The following SMIM27 variants were observed in gnomAD, a reference collection of about 807,000 sequenced individuals.
SMIM27 encodes the protein transition zone microprotein 1.
A neutral mutation model predicts 1.8 loss-of-function variants in SMIM27; 3 were observed. The ratio of observed to expected loss-of-function variants is 1.65; its 90% CI spans 0.75 to 4.28. The LOEUF (loss-of-function observed/expected upper bound fraction) is 4.28, where lower values mean the gene tolerates loss of function less well. Among genes scored for constraint, SMIM27 ranks in the 30% most tolerant of loss-of-function variants. The probability of loss-of-function intolerance (pLI) is 0.02; values close to 1 mark genes in which losing one functional copy is unlikely to be tolerated. For synonymous variants in SMIM27, 19 were observed against 13.9 expected, an observed-to-expected ratio of 1.37 and a Z score of -0.82; for missense variants, 63 against 37.0, an observed-to-expected ratio of 1.70 and a Z score of -1.83.
chr9:32,552,992 T>C lies in SMIM27; in HGVS notation c.*69T>C, dbSNP rs780379638. 1 of 606,904 alleles carries C rather than the reference T, an allele frequency of 1.6e-6. No individual in the cohort carries two copies. Among genetic ancestry groups the C allele is most frequent in the Admixed American group, 3.0e-5 (1 of 33,434 alleles). 37.6% of individuals were successfully genotyped at this position (606,904 alleles called of 1,614,324 possible). On this transcript the variant is annotated 3_prime_UTR_variant, in exon 2 of 2. Transcript: ENST00000692500. ...TGCTTATGTAGATATAAAAATAAAA[T>C]TCATAATGCAAAGTTCCCAAGTTTA...
chr9:32,551,757 C>G (rs538781937), upstream of SMIM27: 1 of 447,714 alleles, frequency 2.2e-6, no homozygotes, highest in Non-Finnish European at 4.5e-6. Context: ...AGTTCAAGAA[C>G]ATCAGACACG....
downstream of SMIM27, among the ~76,000 whole-genome samples, chr9:32,556,846 C>CTTTTT (rs10703297): frequency 7.3e-5 from 6 of 82,340 alleles, no homozygotes; most frequent in Admixed American, 1.7e-4. Context: ...AAATCCCCTA[C>CTTTTT]TTTTTTTTTT....
rs74178816 is a variant in SMIM27 at position 32,558,117 on chromosome 9, A to ATTTTTTTTTTTTT, written c.45+5650_45+5651insTTTTTTTTTTTTT. On this transcript the variant is annotated intron_variant, in intron 1 of 1. Coordinates refer to the SMIM27 transcript ENST00000451672. ...TATAGCTCACACATTCATAGTATAC[A>ATTTTTTTTTTTTT]TTTTTTTTTTTTGAGACGGAGTCTC... Among the ~76,000 whole-genome samples the ATTTTTTTTTTTTT allele has an allele frequency of 8.8e-4, 119 of 135,224 alleles. 3 individuals carry two copies. The highest frequency in any genetic ancestry group is 2.9e-3 in the African/African-American group (107 of 36,436). 88.7% of individuals were successfully genotyped at this position (135,224 alleles called of 152,430 possible).
At chr9:32,562,874 C>T (rs982599591) in intron 1 of SMIM27, among the ~76,000 whole-genome samples, 1 of 152,142 alleles carries the variant, frequency 6.6e-6, no homozygotes, top group South Asian at 2.1e-4. Context: ...ACTGCCAACA[C>T]CGTCACTGTT....
chr9:32,565,017 G>T (rs58743246), intron 1 of SMIM27, among the ~76,000 whole-genome samples: 95 of 152,280 alleles, frequency 6.2e-4, no homozygotes, highest in African/African-American at 2.3e-3. Flanking sequence ...AGCAGGCCAG[G>T]TGCGGTGGCT....
At chr9:32,566,662 A>G in exon 2 of SMIM27, 1 of 806,384 alleles carries the variant, frequency 1.2e-6, no homozygotes, top group Non-Finnish European at 2.3e-6. Flanking sequence ...TCTCTCAGGT[A>G]ACTCCGGATC....
At chr9:32,557,322 C>T (rs1272295399), downstream of SMIM27, among the ~76,000 whole-genome samples, 1 of 125,876 alleles carries the variant, frequency 7.9e-6, no homozygotes, top group African/African-American at 3.1e-5. Flanking sequence ...CACCACCACA[C>T]CTGGCTAATT....
intron 1 of SMIM27, among the ~76,000 whole-genome samples, chr9:32,564,137 C>T (rs185058473): frequency 5.3e-5 from 8 of 152,318 alleles, no homozygotes; most frequent in South Asian, 2.1e-4. Context: ...CACACAAACA[C>T]GCATGCACAC....
chr9:32,552,341 G>C lies in SMIM27; in HGVS notation c.-94G>C, dbSNP rs112995883. 65 of 1,546,162 alleles carry C rather than the reference G, an allele frequency of 4.2e-5. 1 individual carries two copies. The African/African-American group carries it at 6.8e-4, about 16-fold the overall frequency. On this transcript the variant is annotated 5_prime_UTR_variant, in exon 1 of 2. Transcript: ENST00000692500. ...GGCGGGCGCTCGTGCCCGGCTAAAAGATGGCTGCTGGCGCCTGGCAGCCAC... is the reference window on the plus strand; with the variant it reads ...GGCGGGCGCTCGTGCCCGGCTAAAACATGGCTGCTGGCGCCTGGCAGCCAC...
chr9:32,566,533 C>A (rs1224575098), exon 2 of SMIM27: 3 of 771,542 alleles, frequency 3.9e-6, no homozygotes, highest in African/African-American at 3.4e-5. Context: ...ACCCTTGGCT[C>A]CTCTGTTGTA....
At chr9:32,564,822 A>C (rs765561778) in intron 1 of SMIM27, among the ~76,000 whole-genome samples, 2 of 152,236 alleles carry the variant, frequency 1.3e-5, no homozygotes, top group African/African-American at 4.8e-5. Context: ...CACTTTCTTC[A>C]TAAAAGCTTG....
intron 1 of SMIM27, chr9:32,565,362 C>A (rs1821752920): frequency 6.6e-6 from 1 of 152,096 alleles, no homozygotes. Context: ...AACATCTTAC[C>A]CCCAAAGCAT....
intron 1 of SMIM27, chr9:32,566,187 T>C (rs756590282): frequency 1.2e-5 from 9 of 747,078 alleles, no homozygotes; most frequent in Non-Finnish European, 2.2e-5. Flanking sequence ...TCTTCAACCT[T>C]GTCTGGGGTT....
At chr9:32,555,977 G>C (rs969297320), downstream of SMIM27, among the ~76,000 whole-genome samples, 1 of 152,194 alleles carries the variant, frequency 6.6e-6, no homozygotes, top group African/African-American at 2.4e-5. Flanking sequence ...TGTGGTTGGG[G>C]GACAAGGATA....
intron 1 of SMIM27, among the ~76,000 whole-genome samples, chr9:32,565,875 G>T (rs575329200): frequency 6.6e-5 from 10 of 152,218 alleles, no homozygotes; most frequent in African/African-American, 2.4e-4. Flanking sequence ...GGGAGGTTGA[G>T]GCAGGAGAAT....
chr9:32,559,138 G>C (rs1821557588), intron 1 of SMIM27, among the ~76,000 whole-genome samples: 1 of 152,052 alleles, frequency 6.6e-6, no homozygotes, highest in East Asian at 1.9e-4. Context: ...ACTTAACCAG[G>C]TCCCACACTT....
upstream of SMIM27, chr9:32,552,156 G>A (rs1821287157): frequency 9.8e-6 from 5 of 510,646 alleles, no homozygotes; most frequent in Non-Finnish European, 1.7e-5. Flanking sequence ...GTGGAGGTAC[G>A]CCTATCTCCT....
At chr9:32,557,450 T>C (rs1821496934), downstream of SMIM27, among the ~76,000 whole-genome samples, 1 of 151,268 alleles carries the variant, frequency 6.6e-6, no homozygotes, top group Non-Finnish European at 1.5e-5. Flanking sequence ...ATTACAGGCA[T>C]GAGCCCCCGA....
chr9:32,553,705 C>T, downstream of SMIM27: 2 of 568,780 alleles, frequency 3.5e-6, no homozygotes, highest in Non-Finnish European at 6.3e-6. Flanking sequence ...AGCATGTCCA[C>T]TTTTTACTTA....
Sources: gnomAD v4.1 joint callset for allele counts (sites outside exome capture counted in the v4.1 genomes callset) on GRCh38, gnomAD v4.1.1 for gene constraint, MANE v1.5 for transcripts, NCBI Gene and HGNC (gene_info 2026-07-23, HGNC 2026-07-21) for gene names.